NECAB1: variants seen among roughly 807,000 people sequenced by gnomAD.
The protein encoded by NECAB1 is N-terminal EF-hand calcium-binding protein 1.
In NECAB1, 29 loss-of-function variants were observed where a neutral mutation model predicts 57.5. The observed-to-expected ratio is 0.50, with a 90% CI of 0.38 to 0.69. The LOEUF is 0.69. Among genes scored for constraint, NECAB1 ranks in the 30% least tolerant of loss-of-function variants. NECAB1 has a pLI of 0.00. For synonymous variants in NECAB1, 142 were observed against 147.7 expected, an observed-to-expected ratio of 0.96 and a Z score of 0.28; for missense variants, 372 against 413.8, an observed-to-expected ratio of 0.90 and a Z score of 0.88.
At chr8:90,954,506 A>G (rs963669626) in intron 12 of NECAB1, among the ~76,000 whole-genome samples, 2 of 151,116 alleles carry the variant, frequency 1.3e-5, no homozygotes, top group African/African-American at 2.4e-5. Flanking sequence ...AACAGGATAC[A>G]AAAAAAAAGA....
At chr8:90,805,855 C>A (rs1311388344) in intron 2 of NECAB1, among the ~76,000 whole-genome samples, 1 of 152,028 alleles carries the variant, frequency 6.6e-6, no homozygotes, top group African/African-American at 2.4e-5. Flanking sequence ...AAACATTCAT[C>A]ACCACCCATC....
intron 2 of NECAB1, among the ~76,000 whole-genome samples, chr8:90,823,176 T>C (rs1812172321): frequency 6.6e-6 from 1 of 151,860 alleles, no homozygotes; most frequent in Admixed American, 6.6e-5. Flanking sequence ...TAAGCTGGCT[T>C]GGCCCAGGAG....
At chr8:90,906,070 C>T (rs72662580) in intron 5 of NECAB1, among the ~76,000 whole-genome samples, 120 of 152,070 alleles carry the variant, frequency 7.9e-4, no homozygotes, top group South Asian at 2.7e-3. Flanking sequence ...TGGATATGTG[C>T]GGGTAGATTG....
chr8:90,874,960 C>G (rs952275116), intron 4 of NECAB1, among the ~76,000 whole-genome samples: 1 of 130,136 alleles, frequency 7.7e-6, no homozygotes, highest in African/African-American at 3.2e-5. Flanking sequence ...TTTTTTTTGC[C>G]GTATCTTATC....
chr8:90,858,626 A>AG (rs1812839195), intron 3 of NECAB1, among the ~76,000 whole-genome samples: 1 of 126,630 alleles, frequency 7.9e-6, no homozygotes, highest in South Asian at 2.2e-4. Context: ...AATTTGAAGA[A>AG]AAAAAAAAAA....
At chr8:90,848,002 G>A (rs993069767) in intron 3 of NECAB1, among the ~76,000 whole-genome samples, 1 of 152,174 alleles carries the variant, frequency 6.6e-6, no homozygotes, top group African/African-American at 2.4e-5. Flanking sequence ...GCAAATTTCT[G>A]TAGCAGGCTT....
intron 3 of NECAB1, among the ~76,000 whole-genome samples, chr8:90,848,015 A>C (rs1046983860): frequency 7.9e-5 from 12 of 152,086 alleles, no homozygotes; most frequent in Admixed American, 2.0e-4. Context: ...GCAGGCTTGA[A>C]TTTCTCCCCA....
intron 2 of NECAB1, among the ~76,000 whole-genome samples, chr8:90,822,416 T>C (rs963665254): frequency 2.0e-5 from 3 of 151,886 alleles, no homozygotes; most frequent in Non-Finnish European, 2.9e-5. Context: ...CCACCTAAAG[T>C]GAAGTCTTTC....
intron 5 of NECAB1, among the ~76,000 whole-genome samples, chr8:90,899,002 C>G (rs1224570076): frequency 6.6e-6 from 1 of 152,190 alleles, no homozygotes; most frequent in East Asian, 1.9e-4. Context: ...GGAACAAGAG[C>G]AGTGGGAAGA....
Position 90,815,261 on chromosome 8 carries a change from C to T in NECAB1, c.125-9456C>T, listed in dbSNP as rs187251230. 9.3e-4 allele frequency among the ~76,000 whole-genome samples: 142 copies of T among 152,188 alleles called. 1 individual carries two copies. Among genetic ancestry groups the T allele is most frequent in the African/African-American group, 3.3e-3 (137 of 41,554 alleles). ...TCTTTTGCCTTTAGCTTATAGACTT[C>T]ACTATTTTACAGTTACTTAAGTTAG... On this transcript the variant is annotated intron_variant, in intron 2 of 12. Transcript: ENST00000417640.
intron 1 of NECAB1, among the ~76,000 whole-genome samples, chr8:90,795,848 C>T (rs1267980260): frequency 6.6e-6 from 1 of 151,800 alleles, no homozygotes; most frequent in Non-Finnish European, 1.5e-5. Context: ...TAGGAAACAG[C>T]AGAAATTAGG....
chr8:90,808,894 C>T (rs1307145486), intron 2 of NECAB1, among the ~76,000 whole-genome samples: 1 of 152,102 alleles, frequency 6.6e-6, no homozygotes, highest in African/African-American at 2.4e-5. Context: ...ATCTGCCCAC[C>T]TCAGCCTCCC....
intron 3 of NECAB1, among the ~76,000 whole-genome samples, chr8:90,855,847 A>C (rs1467130340): frequency 6.6e-6 from 1 of 152,158 alleles, no homozygotes; most frequent in African/African-American, 2.4e-5. Flanking sequence ...GGTTTTCAGC[A>C]GGACTTGGTC....
At chr8:90,853,780 G>A (rs538462848) in intron 3 of NECAB1, among the ~76,000 whole-genome samples, 29 of 152,326 alleles carry the variant, frequency 1.9e-4, no homozygotes, top group Admixed American at 5.2e-4. Context: ...CAGTCATTGA[G>A]ACGACAAATA....
rs1234665098 is a variant in NECAB1, at chr8:90,955,112, T to TTAATTATATATATATATATA, written c.1031-373_1031-372insATTATATATATATATATATA. Among the ~76,000 whole-genome samples the TTAATTATATATATATATATA allele has an allele frequency of 6.1e-4, 43 of 70,804 alleles. 2 individuals carry two copies. Among genetic ancestry groups the TTAATTATATATATATATATA allele is most frequent in the African/African-American group, 1.8e-3 (39 of 21,218 alleles). The allele number at this position is 70,804 out of a possible 152,430, so 46.5% of individuals were successfully genotyped here. ...ATTTCATAAATATTGGGTATATAAA[T>TTAATTATATATATATATATA]TATATATATATATATATATATATAT... On this transcript the variant is annotated intron_variant, in intron 12 of 12. Transcript: ENST00000417640.
intron 9 of NECAB1, among the ~76,000 whole-genome samples, chr8:90,936,853 A>C (rs1215420058): frequency 1.3e-5 from 2 of 151,850 alleles, no homozygotes; most frequent in African/African-American, 4.8e-5. Context: ...CTTATTTAGT[A>C]CCTGTCATGG....
At chr8:90,825,062 A>C in intron 3 of NECAB1, 2 of 290,196 alleles carry the variant, frequency 6.9e-6, no homozygotes. Flanking sequence ...GATTGTTCCC[A>C]CTTTGCAGAA....
At chr8:90,948,980 CAT>C (rs1252960316) in intron 10 of NECAB1, among the ~76,000 whole-genome samples, 2 of 152,170 alleles carry the variant, frequency 1.3e-5, no homozygotes, top group Admixed American at 6.5e-5. Flanking sequence ...TCCTTCAAAA[CAT>C]ATTATGTAGA....
intron 10 of NECAB1, among the ~76,000 whole-genome samples, chr8:90,947,303 T>TACACACACACACACACACACACAC: frequency 1.3e-5 from 1 of 78,286 alleles, no homozygotes; most frequent in Non-Finnish European, 2.4e-5. Context: ...TAACAACACA[T>TACACACACACACACACACACACAC]ACACACACAC....
Sources: gnomAD v4.1 joint callset for allele counts (sites outside exome capture counted in the v4.1 genomes callset) on GRCh38, gnomAD v4.1.1 for gene constraint, MANE v1.5 for transcripts, NCBI Gene and HGNC (gene_info 2026-07-23, HGNC 2026-07-21) for gene names.